Variants in ATP2A2 observed in about 807,000 individuals in gnomAD.
ATP2A2 encodes the protein sarcoplasmic/endoplasmic reticulum calcium ATPase 2.
ATP2A2 carries 14 observed loss-of-function variants against 109.3 expected under a neutral mutation model. That is an observed-to-expected ratio of 0.13 (90% CI 0.08 to 0.20). The LOEUF is 0.20. Ranked by LOEUF, ATP2A2 falls within the 10% of genes least tolerant of loss-of-function variation. ATP2A2 has a pLI of 1.00. For missense variants in ATP2A2, 657 were observed against 1,321.6 expected, an observed-to-expected ratio of 0.50 and a Z score of 7.80; for synonymous variants, 506 against 490.9, an observed-to-expected ratio of 1.03 and a Z score of -0.41.
intron 14 of ATP2A2, among the ~76,000 whole-genome samples, chr12:110,341,780 G>A (rs1879380080): frequency 6.6e-6 from 1 of 152,200 alleles, no homozygotes; most frequent in Non-Finnish European, 1.5e-5. Flanking sequence ...GATTGAGGCA[G>A]GAGAATCGCT....
rs1592863678 is a variant in ATP2A2 at position 110,342,457 on chromosome 12, CTG to C, written c.2318+12_2318+13del. 2.5e-6 allele frequency: 4 copies of C among 1,612,244 alleles called. No individual in the cohort carries two copies. Among genetic ancestry groups the C allele is most frequent in the Non-Finnish European group, 2.5e-6 (3 of 1,179,216 alleles). Reference sequence around the variant, plus strand: ...GTCGGGGAAGTTGTCTGGTAGGTCTCTGTGACAGCATCACTTACTGTACGCCT... The same window carrying C: ...GTCGGGGAAGTTGTCTGGTAGGTCTCTGACAGCATCACTTACTGTACGCCT... On this transcript the variant is annotated intron_variant, in intron 15 of 19. Coordinates refer to ENST00000539276, the MANE Select transcript of ATP2A2 (RefSeq NM_170665.4). This position sits in a 1 kb window ranked among gnomAD's most constrained non-coding sequence, Gnocchi z 4.6.
chr12:110,346,749 A>C lies in ATP2A2; in HGVS notation c.*279A>C. On this transcript the variant is annotated 3_prime_UTR_variant, in exon 20 of 20. Coordinates refer to ENST00000539276, the MANE Select transcript of ATP2A2 (RefSeq NM_170665.4). The stretch of plus-strand genomic sequence containing the variant: ...AAAAGCATGTACAGTGTTCTGTTTA[A>C]TACTCATCCTTGTATAAAAAAAATA... 1 of 1,263,506 alleles carries C rather than the reference A, an allele frequency of 7.9e-7. No individual in the cohort carries two copies. The highest frequency in any genetic ancestry group is 1.8e-5 in the South Asian group (1 of 55,086). The allele number at this position is 1,263,506 out of a possible 1,614,324, so 78.3% of individuals were successfully genotyped here. A position where few individuals can be genotyped will look rare whatever the true frequency, so the allele number is the denominator to read the frequency against.
chr12:110,281,833 A>G lies in ATP2A2; in HGVS notation c.44A>G (p.His15Arg). 1.3e-6 allele frequency: 2 copies of G among 1,563,092 alleles called. No individual in the cohort carries two copies. Among genetic ancestry groups the G allele is most frequent in the South Asian group, 1.2e-5 (1 of 84,104 alleles). The change falls in exon 1 of 20, where the codon CAC becomes CGC. Residue 15 changes from histidine to arginine, a missense_variant. Coordinates refer to ENST00000539276, the MANE Select transcript of ATP2A2 (RefSeq NM_170665.4). ...HTKTVEEVLG[H>R]FGVNESTGLS... ...AAGACGGTGGAGGAGGTGCTGGGCC[A>G]CTTCGGCGTCAACGAGAGTACGGGG...
In ATP2A2 at chr12:110,350,144, TC is replaced by T; in HGVS notation, c.*3675del. On this transcript the variant is annotated 3_prime_UTR_variant, in exon 20 of 20. Transcript: ENST00000539276. ...TGGGCGGCACCTCAGGGACAGTAAA[TC>T]AGAAATGCTGGTCTTGAAACCTTGA... 6.5e-7 allele frequency: 1 copy of T among 1,548,742 alleles called. No individual in the cohort carries two copies. The highest frequency in any genetic ancestry group is 8.7e-7 in the Non-Finnish European group (1 of 1,147,756).
intron 8 of ATP2A2, chr12:110,331,637 A>G (rs1233433022): frequency 6.6e-6 from 1 of 152,238 alleles, no homozygotes; most frequent in Non-Finnish European, 1.5e-5. Flanking sequence ...TGCCCAGCTC[A>G]ACGTGGCCTG....
chr12:110,295,932 A>G (rs1244042013), intron 4 of ATP2A2: 1 of 152,732 alleles, frequency 6.5e-6, no homozygotes, highest in Non-Finnish European at 1.5e-5. Flanking sequence ...AACACAATCT[A>G]AGCATGTTAC....
chr12:110,339,040 A>G lies in ATP2A2; in HGVS notation c.1420-241A>G, dbSNP rs1879109725. Among the ~76,000 whole-genome samples, 1 of 152,148 alleles carries G rather than the reference A, an allele frequency of 6.6e-6. No homozygotes were observed. On this transcript the variant is annotated intron_variant, in intron 11 of 19. Coordinates refer to ENST00000539276, the MANE Select transcript of ATP2A2 (RefSeq NM_170665.4). This position sits in a 1 kb window ranked among gnomAD's most constrained non-coding sequence, Gnocchi z 4.4. ...TTCTGGCCACTTTATGTAACAGTTC[A>G]TATGTATGTATGCAAATTTTCTATC...
chr12:110,326,799 T>C (rs935464542), intron 7 of ATP2A2, among the ~76,000 whole-genome samples: 25 of 152,228 alleles, frequency 1.6e-4, no homozygotes, highest in African/African-American at 6.0e-4. Context: ...TGACAGCTGC[T>C]ATTTGTATGT....
intron 5 of ATP2A2, among the ~76,000 whole-genome samples, chr12:110,307,115 C>T (rs1265503534): frequency 6.6e-6 from 1 of 151,954 alleles, no homozygotes; most frequent in Non-Finnish European, 1.5e-5. Flanking sequence ...GTTGAATGGT[C>T]ATTCTGTTTT....
intron 6 of ATP2A2, 52 bp downstream of exon 6, chr12:110,323,124 A>T: frequency 7.2e-7 from 1 of 1,379,678 alleles, no homozygotes; most frequent in Non-Finnish European, 1.0e-6. Flanking sequence ...CGCATATTCC[A>T]TGCCAATAGA....
At position 110,347,237 on chromosome 12, in the gene ATP2A2, CAG is replaced by C. The variant is rs1879963271; in HGVS notation, c.*769_*770del. On this transcript the variant is annotated 3_prime_UTR_variant, in exon 20 of 20. Transcript: ENST00000539276. ...AAATGTCTAATGTATTTTATTGTAA[CAG>C]ACATTGTTTTGCCAACATTGCCTAT... is the stretch of plus-strand genomic sequence containing the variant. The C allele has an allele frequency of 6.6e-6, 8 of 1,210,418 alleles. No individual in the cohort carries two copies. The highest frequency in any genetic ancestry group is 3.6e-4 in the Middle Eastern group (1 of 2,740). The allele number at this position is 1,210,418 out of a possible 1,614,324, so 75.0% of individuals were successfully genotyped here. A position where few individuals can be genotyped will look rare whatever the true frequency, so the allele number is the denominator to read the frequency against.
intron 5 of ATP2A2, among the ~76,000 whole-genome samples, chr12:110,306,133 G>A (rs1005542199): frequency 7.2e-5 from 11 of 152,096 alleles, no homozygotes; most frequent in Non-Finnish European, 1.5e-4. Flanking sequence ...CCGCCTCTCG[G>A]GTTCACGCCA....
At chr12:110,288,733 T>A (rs1872941678) in intron 3 of ATP2A2, among the ~76,000 whole-genome samples, 1 of 152,218 alleles carries the variant, frequency 6.6e-6, no homozygotes, top group African/African-American at 2.4e-5. Context: ...ATATTCAACC[T>A]GTTGTCAAAA....
intron 5 of ATP2A2, among the ~76,000 whole-genome samples, chr12:110,298,755 T>C (rs556803494): frequency 2.6e-5 from 4 of 152,322 alleles, no homozygotes; most frequent in Admixed American, 6.5e-5. Flanking sequence ...ACAAATGTTA[T>C]ACTATCACAG....
chr12:110,345,689 A>G (rs1879779729), intron 18 of ATP2A2: 1 of 568,312 alleles, frequency 1.8e-6, no homozygotes, highest in African/African-American at 1.9e-5. Context: ...ACACAGACAA[A>G]TGGTACCATC....
chr12:110,292,753 C>T (rs1873456162), intron 4 of ATP2A2, among the ~76,000 whole-genome samples: 1 of 152,182 alleles, frequency 6.6e-6, no homozygotes, highest in South Asian at 2.1e-4. Flanking sequence ...TAACACTGCA[C>T]TCCAGTCTGG....
Position 110,296,690 on chromosome 12 carries a change from G to A in ATP2A2, c.416G>A (p.Arg139Gln), listed in dbSNP as rs1371083138. 6.2e-6 allele frequency: 10 copies of A among 1,613,808 alleles called. No individual in the cohort carries two copies. The highest frequency in any genetic ancestry group is 8.5e-6 in the Non-Finnish European group (10 of 1,179,960). ...VYRQDRKSVQRIKAKDIVPGD... is the reference protein window; with the variant it reads ...VYRQDRKSVQQIKAKDIVPGD... ...CGACAGGACAGAAAGAGTGTGCAGC[G>A]GATTAAAGCTAAAGACATAGTTCCT... The change falls in exon 5 of 20, where the codon CGG becomes CAG. Residue 139 changes from arginine to glutamine, a missense_variant. By Grantham distance (43) the Arg-to-Gln change is conservative. Coordinates refer to ENST00000539276, the MANE Select transcript of ATP2A2 (RefSeq NM_170665.4).
intron 3 of ATP2A2, among the ~76,000 whole-genome samples, chr12:110,284,252 A>G (rs1325541482): frequency 6.6e-6 from 1 of 152,250 alleles, no homozygotes; most frequent in East Asian, 1.9e-4. Context: ...ATAGTTTATC[A>G]ATACATTGTC....
chr12:110,342,100 T>G lies in ATP2A2; in HGVS notation c.2098-128T>G. Reference sequence around the variant, plus strand: ...ACACCAACTTATGAAACAAAAATTCTAAAACTCTTTGCCAAGAGACCTACG... The same window carrying G: ...ACACCAACTTATGAAACAAAAATTCGAAAACTCTTTGCCAAGAGACCTACG... On this transcript the variant is annotated intron_variant, in intron 14 of 19. Coordinates refer to ENST00000539276, the MANE Select transcript of ATP2A2 (RefSeq NM_170665.4). The surrounding 1 kb of genome is among the most constrained non-coding windows in gnomAD (Gnocchi z 4.6). 3 of 1,070,534 alleles carry G rather than the reference T, an allele frequency of 2.8e-6. No homozygotes were observed. In the South Asian group the frequency reaches 4.0e-5, roughly 14 times the overall value. 66.3% of individuals were successfully genotyped at this position (1,070,534 alleles called of 1,614,324 possible). A position where few individuals can be genotyped will look rare whatever the true frequency, so the allele number is the denominator to read the frequency against.
Sources: gnomAD v4.1 joint callset for allele counts (sites outside exome capture counted in the v4.1 genomes callset) on GRCh38, gnomAD v4.1.1 for gene constraint, Gnocchi (gnomAD v3.1) non-coding constraint, MANE v1.5 for transcripts, NCBI Gene and HGNC (gene_info 2026-07-23, HGNC 2026-07-21) for gene names.